TPST2: variants seen among roughly 807,000 people sequenced by gnomAD.
TPST2 encodes protein-tyrosine sulfotransferase 2.
Under a neutral mutation model 27.8 loss-of-function variants are expected in TPST2, and 16 were observed. The observed-to-expected ratio is 0.58, with a 90% CI of 0.39 to 0.88. TPST2 has a LOEUF of 0.88. Ranked by LOEUF, TPST2 falls within the 40% of genes least tolerant of loss-of-function variation. The pLI is 0.00. For missense variants in TPST2, 464 were observed against 543.1 expected (o/e 0.85, Z 1.45); for synonymous variants, 229 against 231.7 (o/e 0.99, Z 0.10).
chr22:26,559,670 C>T (rs1350845878), intron 1 of TPST2, among the ~76,000 whole-genome samples: 3 of 152,188 alleles, frequency 2.0e-5, no homozygotes, highest in Admixed American at 1.3e-4. Flanking sequence ...TAATGACCAG[C>T]TTTTTCCACT....
At chr22:26,546,235 G>A (rs1310507491) in intron 1 of TPST2, among the ~76,000 whole-genome samples, 4 of 152,036 alleles carry the variant, frequency 2.6e-5, no homozygotes, top group Admixed American at 2.6e-4. Context: ...TGAAATATCA[G>A]GCCAATTAGG....
Position 26,541,594 on chromosome 22 carries a change from C to T in TPST2, c.37G>A (p.Gly13Ser), listed in dbSNP as rs758137775. Reference protein sequence around the residue: ...LSVRRVLLAAGCALVLVLAVQ... With the variant: ...LSVRRVLLAASCALVLVLAVQ... ...GCCAGCACCAGGACCAGGGCGCAGCCGGCTGCCAGCAGCACCCTCCGCACC... is the reference window on the plus strand; with the variant it reads ...GCCAGCACCAGGACCAGGGCGCAGCTGGCTGCCAGCAGCACCCTCCGCACC... The change falls in exon 3 of 7, where the codon GGC becomes AGC. Residue 13 changes from glycine (G) to serine (S), a missense_variant. Transcript: ENST00000338754. The surrounding 1 kb of genome is among the most constrained non-coding windows in gnomAD (Gnocchi z 5.9). 2.6e-5 allele frequency: 41 copies of T among 1,598,396 alleles called. No homozygotes were observed. The highest frequency in any genetic ancestry group is 1.7e-4 in the Middle Eastern group (1 of 6,020).
At chr22:26,582,731 A>C (rs1928163927) in intron 1 of TPST2, among the ~76,000 whole-genome samples, 1 of 152,196 alleles carries the variant, frequency 6.6e-6, no homozygotes, top group Non-Finnish European at 1.5e-5. Flanking sequence ...TGCTGGGATC[A>C]AGGCATGACT....
chr22:26,573,777 T>C (rs1310884964), intron 1 of TPST2, among the ~76,000 whole-genome samples: 1 of 152,050 alleles, frequency 6.6e-6, no homozygotes, highest in African/African-American at 2.4e-5. Context: ...TGGCTCTAGG[T>C]GGGGGTTTTA....
At position 26,589,374 on chromosome 22, in the gene TPST2, A is replaced by G. The variant is rs117686567; in HGVS notation, c.-161+679T>C. Among the ~76,000 whole-genome samples the G allele has an allele frequency of 2.3e-3, 346 of 152,044 alleles. 4 individuals are homozygous for G. Among genetic ancestry groups the G allele is most frequent in the Admixed American group, 4.3e-3 (65 of 15,276 alleles). On this transcript the variant is annotated intron_variant, in intron 1 of 6. Transcript: ENST00000338754. Reference sequence around the variant, plus strand: ...GCTCAGCCTCTGAGCCCATGCTCCCAGTCCCCTGCTACCAGTCCCAGTCCC... The same window carrying G: ...GCTCAGCCTCTGAGCCCATGCTCCCGGTCCCCTGCTACCAGTCCCAGTCCC...
chr22:26,548,275 A>G (rs1480304877), intron 1 of TPST2, among the ~76,000 whole-genome samples: 1 of 150,270 alleles, frequency 6.7e-6, no homozygotes, highest in Non-Finnish European at 1.5e-5. Flanking sequence ...TTGGGAGTTC[A>G]AGACCAGCCT....
intron 1 of TPST2, among the ~76,000 whole-genome samples, chr22:26,563,302 T>C (rs905757895): frequency 2.7e-5 from 4 of 150,888 alleles, no homozygotes; most frequent in Non-Finnish European, 5.9e-5. Context: ...ATGCAACACC[T>C]TGATGGACCT....
chr22:26,571,600 A>G (rs1371933666), intron 1 of TPST2, among the ~76,000 whole-genome samples: 1 of 151,986 alleles, frequency 6.6e-6, no homozygotes, highest in Non-Finnish European at 1.5e-5. Flanking sequence ...CCCTTCTCCT[A>G]AGGCCACAGA....
intron 1 of TPST2, among the ~76,000 whole-genome samples, chr22:26,552,170 G>A (rs1015177663): frequency 6.6e-6 from 1 of 152,086 alleles, no homozygotes; most frequent in Non-Finnish European, 1.5e-5. Flanking sequence ...GGGCCACTAC[G>A]CCTGGCCGCC....
rs1007105495 is a variant in TPST2 at position 26,590,075 on chromosome 22, G to A, written c.-183C>T. On this transcript the variant is annotated 5_prime_UTR_variant, in exon 1 of 7. Transcript: ENST00000338754. ...TACCGTGGCGAGACGCGGCGAGGCA[G>A]CCCCACGCACCCAGCGACTCCCGGC... 3 of 151,982 alleles carry A rather than the reference G, an allele frequency of 2.0e-5. No homozygotes were observed. The highest frequency in any genetic ancestry group is 6.6e-5 in the Admixed American group (1 of 15,260). 9.4% of individuals were successfully genotyped at this position (151,982 alleles called of 1,614,324 possible).
At chr22:26,560,756 C>T in intron 1 of TPST2, 2 of 1,175,826 alleles carry the variant, frequency 1.7e-6, no homozygotes, top group Non-Finnish European at 2.6e-6. Context: ...AAATGAAAAC[C>T]TATATCCCTC....
chr22:26,540,752 C>A, intron 3 of TPST2, 37 bp downstream of exon 3: 1 of 1,524,316 alleles, frequency 6.6e-7, no homozygotes, highest in Non-Finnish European at 8.8e-7. Flanking sequence ...GACTCCAGGG[C>A]CAGAGTCTGA....
intron 1 of TPST2, among the ~76,000 whole-genome samples, chr22:26,579,088 G>T (rs922933228): frequency 1.3e-5 from 2 of 152,134 alleles, no homozygotes; most frequent in South Asian, 2.1e-4. Flanking sequence ...CTGAGCTCAC[G>T]CAAGTGATCC....
chr22:26,546,034 A>G (rs1396505633), intron 1 of TPST2, among the ~76,000 whole-genome samples: 4 of 151,246 alleles, frequency 2.6e-5, no homozygotes, highest in Middle Eastern at 3.2e-3. Context: ...CTGTGATTGC[A>G]TCACTGCACT....
intron 1 of TPST2, among the ~76,000 whole-genome samples, chr22:26,556,183 G>GTAGCAGACAGAATAATCACTGTCATCTGC (rs1926781629): frequency 5.9e-5 from 9 of 152,268 alleles, no homozygotes; most frequent in Admixed American, 5.2e-4. Context: ...ACAAGATCTA[G>GTAGCAGACAGAATAATCACTGTCATCTGC]TAGCAGACAG....
intron 1 of TPST2, among the ~76,000 whole-genome samples, chr22:26,581,539 G>C (rs900056784): frequency 2.6e-5 from 4 of 152,198 alleles, no homozygotes; most frequent in African/African-American, 9.6e-5. Context: ...AGAAGCTCCT[G>C]TCCAATAAGA....
chr22:26,522,683 G>A lies in TPST2; in HGVS notation c.*3592C>T, dbSNP rs1338282910. On this transcript the variant is annotated 3_prime_UTR_variant, in exon 7 of 7. Coordinates refer to ENST00000338754, the MANE Select transcript of TPST2 (RefSeq NM_003595.5). ...CCAGTAGCGATGAAAACTGCTAACA[G>A]CCTAAGGGCCTAGCCAAAGTGGAAT... is the stretch of plus-strand genomic sequence containing the variant. 6.6e-6 allele frequency: 1 copy of A among 152,276 alleles called. No individual in the cohort carries two copies. The highest frequency in any genetic ancestry group is 1.5e-5 in the Non-Finnish European group (1 of 68,090). The allele number at this position is 152,276 out of a possible 1,614,324, so 9.4% of individuals were successfully genotyped here. A position where few individuals can be genotyped will look rare whatever the true frequency, so the allele number is the denominator to read the frequency against.
In TPST2 at chr22:26,541,523, C is replaced by G. The variant is rs368764011; in HGVS notation, c.108G>C (p.Ala36=). Residue 36 remains alanine, a synonymous_variant, in exon 3 of 7, where the codon GCG becomes GCC. Transcript: ENST00000338754. The surrounding 1 kb of genome is among the most constrained non-coding windows in gnomAD (Gnocchi z 5.9). ...QQVLECRAVL[A]GLRSPRGAMR... ...TGGCCCCCCGGGGGCTCCGCAGGCC[C>G]GCCAGCACCGCCCGGCACTCTAGCA... The G allele has an allele frequency of 6.8e-6, 11 of 1,611,758 alleles. No individual in the cohort carries two copies. In the South Asian group the frequency reaches 1.1e-4, roughly 16 times the overall value.
chr22:26,577,351 CTT>C (rs546973106), intron 1 of TPST2, among the ~76,000 whole-genome samples: 3 of 143,750 alleles, frequency 2.1e-5, no homozygotes, highest in Non-Finnish European at 3.0e-5. Context: ...AATATTTGCT[CTT>C]TTTTTTTTTG....
Sources: gnomAD v4.1 joint callset for allele counts (sites outside exome capture counted in the v4.1 genomes callset) on GRCh38, gnomAD v4.1.1 for gene constraint, Gnocchi (gnomAD v3.1) non-coding constraint, MANE v1.5 for transcripts, NCBI Gene and HGNC (gene_info 2026-07-23, HGNC 2026-07-21) for gene names.